The following CFAP299 variants were observed in gnomAD, a reference collection of about 807,000 sequenced individuals.
CFAP299 encodes cilia and flagella associated protein 299.
CFAP299 carries 21 observed loss-of-function variants against 27.0 expected under a neutral mutation model. The observed-to-expected ratio is 0.78, with a 90% confidence interval of 0.55 to 1.12. The LOEUF is 1.12. Among genes scored for constraint, CFAP299 ranks in the 50% most tolerant of loss-of-function variants. The probability of loss-of-function intolerance (pLI) is 0.00; values close to 1 mark genes in which losing one functional copy is unlikely to be tolerated. For missense variants in CFAP299, 310 were observed against 276.6 expected (o/e 1.12, Z -0.86); for synonymous variants, 104 against 98.1 (o/e 1.06, Z -0.36).
intron 1 of CFAP299, among the ~76,000 whole-genome samples, chr4:80,360,404 G>A (rs1255911276): frequency 6.6e-6 from 1 of 152,152 alleles, no homozygotes; most frequent in Non-Finnish European, 1.5e-5. Flanking sequence ...TCTCTGCTCT[G>A]CAAGCAGGAG....
intron 2 of CFAP299, among the ~76,000 whole-genome samples, chr4:80,455,868 A>G (rs1051186775): frequency 6.6e-6 from 1 of 152,184 alleles, no homozygotes; most frequent in Non-Finnish European, 1.5e-5. Flanking sequence ...GCACCAAGGA[A>G]TACAGTAGTG....
chr4:80,793,667 T>C (rs913390653), intron 3 of CFAP299, among the ~76,000 whole-genome samples: 2 of 152,164 alleles, frequency 1.3e-5, no homozygotes, highest in Non-Finnish European at 2.9e-5. Context: ...CAAATGCTAT[T>C]ACATAAAGTT....
intron 3 of CFAP299, among the ~76,000 whole-genome samples, chr4:80,736,698 C>A (rs1331698388): frequency 1.3e-5 from 2 of 152,146 alleles, no homozygotes; most frequent in Non-Finnish European, 2.9e-5. Context: ...AATAGGAACA[C>A]TTTTACACTG....
chr4:80,401,452 A>G (rs906919602), intron 2 of CFAP299, among the ~76,000 whole-genome samples: 4 of 152,346 alleles, frequency 2.6e-5, no homozygotes, highest in South Asian at 2.1e-4. Flanking sequence ...AAAGGGGCCA[A>G]TGTACAGCTT....
intron 2 of CFAP299, among the ~76,000 whole-genome samples, chr4:80,406,950 A>G (rs1227827780): frequency 6.6e-6 from 1 of 152,116 alleles, no homozygotes; most frequent in African/African-American, 2.4e-5. Context: ...TATGTTTCCA[A>G]AATCTGGGCA....
intron 3 of CFAP299, among the ~76,000 whole-genome samples, chr4:80,757,671 ACT>A (rs1487753895): frequency 1.3e-5 from 2 of 150,756 alleles, no homozygotes; most frequent in East Asian, 3.9e-4. Context: ...GTGAAACATT[ACT>A]CTTTTTCACA....
At chr4:80,440,528 C>T (rs1351031083) in intron 2 of CFAP299, among the ~76,000 whole-genome samples, 1 of 152,096 alleles carries the variant, frequency 6.6e-6, no homozygotes, top group African/African-American at 2.4e-5. Context: ...AAAGGATGCC[C>T]ACGCAAAAAC....
chr4:80,387,504 G>C (rs1356167915), intron 2 of CFAP299: 14 of 817,062 alleles, frequency 1.7e-5, no homozygotes, highest in African/African-American at 3.4e-5. Flanking sequence ...GCCAGGCCTG[G>C]AGCTGTGGCG....
chr4:80,952,072 A>G (rs1737809179), intron 5 of CFAP299, among the ~76,000 whole-genome samples: 1 of 152,112 alleles, frequency 6.6e-6, no homozygotes, highest in Admixed American at 6.6e-5. Flanking sequence ...TTGTGAAGTG[A>G]GTTTGCCTAG....
intron 2 of CFAP299, among the ~76,000 whole-genome samples, chr4:80,516,022 T>C (rs1048745444): frequency 2.7e-5 from 4 of 148,576 alleles, no homozygotes; most frequent in East Asian, 2.0e-4. Flanking sequence ...CATTTCTTTT[T>C]TTTTTTTTTT....
intron 3 of CFAP299, among the ~76,000 whole-genome samples, chr4:80,617,710 T>C (rs1370518686): frequency 1.3e-5 from 2 of 152,114 alleles, no homozygotes; most frequent in East Asian, 1.9e-4. Flanking sequence ...ACCAAAACTA[T>C]GGAAATGAAT....
At chr4:80,716,179 A>C (rs1450630460) in intron 3 of CFAP299, among the ~76,000 whole-genome samples, 2 of 151,996 alleles carry the variant, frequency 1.3e-5, no homozygotes, top group African/African-American at 2.4e-5. Context: ...CTGTGTTAAC[A>C]ATCTTTTTAA....
At chr4:80,590,708 A>G (rs1243142036) in intron 3 of CFAP299, among the ~76,000 whole-genome samples, 1 of 152,204 alleles carries the variant, frequency 6.6e-6, no homozygotes, top group Non-Finnish European at 1.5e-5. Flanking sequence ...TATAAAGTTC[A>G]AAAACTGACA....
intron 2 of CFAP299, among the ~76,000 whole-genome samples, chr4:80,380,421 C>CTTTTTTTTTTTTTTTT (rs1560538174): frequency 9.2e-6 from 1 of 109,068 alleles, no homozygotes; most frequent in African/African-American, 3.4e-5. Context: ...TTGTGTCTCA[C>CTTTTTTTTTTTTTTTT]ATTTTTTTTT....
At chr4:80,962,440 A>G (rs1454660945) in intron 5 of CFAP299, among the ~76,000 whole-genome samples, 2 of 151,984 alleles carry the variant, frequency 1.3e-5, no homozygotes, top group Non-Finnish European at 2.9e-5. Context: ...TGTGGGCAAG[A>G]TATTTTCCAT....
At position 80,819,008 on chromosome 4, in the gene CFAP299, T is replaced by C. The variant is rs529622685; in HGVS notation, c.334-50985T>C. The stretch of plus-strand genomic sequence containing the variant: ...TGAGATGGATGATCACTTAAAAGGA[T>C]TGATGGACATATGCAATGTAACGAG... On this transcript the variant is annotated intron_variant, in intron 3 of 5. Transcript: ENST00000358105. Among the ~76,000 whole-genome samples, 4 of 152,180 alleles carry C rather than the reference T, an allele frequency of 2.6e-5. No individual in the cohort carries two copies. The East Asian group carries it at 7.7e-4, about 29-fold the overall frequency.
intron 2 of CFAP299, among the ~76,000 whole-genome samples, chr4:80,516,376 T>C (rs1732589960): frequency 6.6e-6 from 1 of 151,992 alleles, no homozygotes; most frequent in South Asian, 2.1e-4. Context: ...ATAAAGAAAA[T>C]ATGTTTAATT....
rs1443174647 is a variant in CFAP299 at position 80,800,281 on chromosome 4, T to C, written c.334-69712T>C. 5.6e-4 allele frequency among the ~76,000 whole-genome samples: 41 copies of C among 72,858 alleles called. 1 individual carries two copies. The highest frequency in any genetic ancestry group is 2.3e-3 in the African/African-American group (39 of 16,908). The allele number at this position is 72,858 out of a possible 152,430, so 47.8% of individuals were successfully genotyped here. A position where few individuals can be genotyped will look rare whatever the true frequency, so the allele number is the denominator to read the frequency against. ...TTATATAAATAAAATATATATAATA[T>C]ATAATATATTAATATATATAATATA... On this transcript the variant is annotated intron_variant, in intron 3 of 5. Coordinates refer to ENST00000358105, the MANE Select transcript of CFAP299 (RefSeq NM_152770.3).
intron 5 of CFAP299, among the ~76,000 whole-genome samples, chr4:80,953,696 CTG>C (rs1475694237): frequency 6.6e-6 from 1 of 151,932 alleles, no homozygotes; most frequent in Non-Finnish European, 1.5e-5. Context: ...CATATATGAA[CTG>C]TAACACAAGA....
Sources: gnomAD v4.1 joint callset for allele counts (sites outside exome capture counted in the v4.1 genomes callset) on GRCh38, gnomAD v4.1.1 for gene constraint, MANE v1.5 for transcripts, NCBI Gene and HGNC (gene_info 2026-07-23, HGNC 2026-07-21) for gene names.